NR1H4: variants seen among roughly 807,000 people sequenced by gnomAD.
NR1H4 encodes nuclear receptor subfamily 1 group H member 4.
NR1H4 carries 23 observed loss-of-function variants against 58.5 expected under a neutral mutation model. The observed-to-expected ratio is 0.39, with a 90% CI of 0.28 to 0.56. The LOEUF (loss-of-function observed/expected upper bound fraction) is 0.56, where lower values mean the gene tolerates loss of function less well. NR1H4 is among the 20% of genes least tolerant of loss of function. NR1H4 has a pLI of 0.58. For missense variants in NR1H4, 487 were observed against 576.9 expected, an observed-to-expected ratio of 0.84 and a Z score of 1.60; for synonymous variants, 214 against 198.0, an observed-to-expected ratio of 1.08 and a Z score of -0.68.
Position 100,474,067 on chromosome 12 carries a change from C to T in NR1H4, c.-190+8C>T, listed in dbSNP as rs749871132. 5.9e-5 allele frequency: 9 copies of T among 152,152 alleles called. No individual in the cohort carries two copies. The highest frequency in any genetic ancestry group is 1.0e-4 in the Non-Finnish European group (7 of 68,032). The allele number at this position is 152,152 out of a possible 1,614,324, so 9.4% of individuals were successfully genotyped here. On this transcript the variant is annotated splice_region_variant and intron_variant, in intron 1 of 10. Coordinates refer to ENST00000392986, the MANE Select transcript of NR1H4 (RefSeq NM_001206979.2). The stretch of plus-strand genomic sequence containing the variant: ...TGACCCAAAACAATCCAAGTAAGTA[C>T]CTAATTCCTTTGGGAGTGGGTTGTG...
chr12:100,523,608 G>T (rs1362200714), intron 4 of NR1H4, among the ~76,000 whole-genome samples: 1 of 151,884 alleles, frequency 6.6e-6, no homozygotes, highest in Non-Finnish European at 1.5e-5. Flanking sequence ...TTGTTTTTGG[G>T]GTTTTAGTCT....
chr12:100,484,203 A>G (rs920544129), intron 1 of NR1H4, among the ~76,000 whole-genome samples: 2 of 152,180 alleles, frequency 1.3e-5, no homozygotes, highest in Non-Finnish European at 2.9e-5. Context: ...TGTAGAGTTC[A>G]TAGTGAACTA....
chr12:100,502,599 T>C (rs968433809), intron 3 of NR1H4, among the ~76,000 whole-genome samples: 1 of 152,242 alleles, frequency 6.6e-6, no homozygotes, highest in African/African-American at 2.4e-5. Flanking sequence ...GGTCACATTC[T>C]GAGGTACTGG....
At chr12:100,518,451 A>C (rs75889762) in intron 4 of NR1H4, among the ~76,000 whole-genome samples, 3,125 of 152,260 alleles carry the variant, frequency 0.021, 131 homozygotes, top group East Asian at 0.15. Context: ...AGAAAGACAA[A>C]ATTTTTCCAT....
intron 9 of NR1H4, among the ~76,000 whole-genome samples, chr12:100,551,804 G>C (rs1955209311): frequency 6.6e-6 from 1 of 152,112 alleles, no homozygotes; most frequent in Non-Finnish European, 1.5e-5. Context: ...ACCAGTTAAT[G>C]GCTGCTCAAG....
chr12:100,488,806 A>T (rs1332802762), intron 1 of NR1H4, among the ~76,000 whole-genome samples: 1 of 152,230 alleles, frequency 6.6e-6, no homozygotes, highest in East Asian at 1.9e-4. Flanking sequence ...AAAAATGTCA[A>T]TTTTTATAAT....
chr12:100,513,336 A>G (rs998369585), intron 4 of NR1H4, among the ~76,000 whole-genome samples: 5 of 152,162 alleles, frequency 3.3e-5, no homozygotes, highest in African/African-American at 1.2e-4. Flanking sequence ...ACAATACTTA[A>G]TTCTTTCCCA....
intron 8 of NR1H4, among the ~76,000 whole-genome samples, chr12:100,539,190 G>A (rs1286221607): frequency 6.6e-6 from 1 of 152,066 alleles, no homozygotes; most frequent in Non-Finnish European, 1.5e-5. Context: ...TGTTCAATGA[G>A]TAAAGCAGAA....
intron 9 of NR1H4, among the ~76,000 whole-genome samples, chr12:100,556,091 T>A (rs1200121525): frequency 6.6e-6 from 1 of 152,168 alleles, no homozygotes; most frequent in African/African-American, 2.4e-5. Flanking sequence ...AAGGATTTAA[T>A]TTGGGAAGAC....
intron 1 of NR1H4, among the ~76,000 whole-genome samples, chr12:100,476,784 G>A (rs546128142): frequency 7.8e-4 from 118 of 152,252 alleles, no homozygotes; most frequent in Middle Eastern, 3.4e-3. Flanking sequence ...CAGCTCGGGC[G>A]GCTGAGGTGG....
At chr12:100,494,612 G>T (rs1953672384) in intron 3 of NR1H4, among the ~76,000 whole-genome samples, 1 of 152,196 alleles carries the variant, frequency 6.6e-6, no homozygotes. Flanking sequence ...CTTCCAGTTG[G>T]CTTATCTTCA....
At chr12:100,503,528 G>T in intron 3 of NR1H4, 1 of 1,553,220 alleles carries the variant, frequency 6.4e-7, no homozygotes, top group South Asian at 1.2e-5. Context: ...CTTTCAGGTC[G>T]AGCTCTTGCA....
At chr12:100,500,751 C>T (rs761679554) in intron 3 of NR1H4, among the ~76,000 whole-genome samples, 10 of 152,268 alleles carry the variant, frequency 6.6e-5, no homozygotes, top group Middle Eastern at 3.4e-3. Flanking sequence ...TTCCTACTCT[C>T]TCTCCTGCTG....
chr12:100,490,195 C>A (rs574572090), intron 1 of NR1H4, among the ~76,000 whole-genome samples: 1 of 152,126 alleles, frequency 6.6e-6, no homozygotes, highest in South Asian at 2.1e-4. Flanking sequence ...TATGCCAGGC[C>A]CTTAATTTGA....
rs115633674 is a variant in NR1H4, at chr12:100,524,241, A to G, written c.446-8217A>G. On this transcript the variant is annotated intron_variant, in intron 4 of 10. Coordinates refer to ENST00000392986, the MANE Select transcript of NR1H4 (RefSeq NM_001206979.2). ...AAATCTACACTCAAGAAAAAAATGG[A>G]AATAGGCATTTAAGCAGCAGTTTGG... Among the ~76,000 whole-genome samples the G allele has an allele frequency of 6.2e-4, 95 of 152,336 alleles. 1 individual carries two copies. Among genetic ancestry groups the G allele is most frequent in the African/African-American group, 2.3e-3 (94 of 41,572 alleles).
chr12:100,532,986 A>G lies in NR1H4; in HGVS notation c.598+376A>G, dbSNP rs992838742. The stretch of plus-strand genomic sequence containing the variant: ...TTAGCATACAAATTCACTATTGTGG[A>G]AAAAAATGAGAATGCTTTATAAGGT... On this transcript the variant is annotated intron_variant, in intron 5 of 10. Transcript: ENST00000392986. 2.6e-5 allele frequency among the ~76,000 whole-genome samples: 4 copies of G among 152,194 alleles called. No homozygotes were observed. In the East Asian group the frequency reaches 5.8e-4, roughly 22 times the overall value.
chr12:100,497,251 G>A (rs1953736429), intron 3 of NR1H4, among the ~76,000 whole-genome samples: 1 of 152,052 alleles, frequency 6.6e-6, no homozygotes, highest in African/African-American at 2.4e-5. Context: ...CGCACTTCTG[G>A]ACTGTTTTTG....
intron 4 of NR1H4, among the ~76,000 whole-genome samples, chr12:100,527,931 G>A (rs1686740628): frequency 6.6e-6 from 1 of 152,098 alleles, no homozygotes; most frequent in South Asian, 2.1e-4. Flanking sequence ...GTTATGAATA[G>A]GAAATGAATT....
chr12:100,541,865 AG>A (rs1954944355), intron 9 of NR1H4, among the ~76,000 whole-genome samples: 1 of 151,954 alleles, frequency 6.6e-6, no homozygotes, highest in Non-Finnish European at 1.5e-5. Context: ...CCAAAGTGCT[AG>A]GATTAAAGGC....
Sources: gnomAD v4.1 joint callset for allele counts (sites outside exome capture counted in the v4.1 genomes callset) on GRCh38, gnomAD v4.1.1 for gene constraint, MANE v1.5 for transcripts, NCBI Gene and HGNC (gene_info 2026-07-23, HGNC 2026-07-21) for gene names.